The following UBR3 variants were observed in gnomAD, a reference collection of about 807,000 sequenced individuals.
UBR3 encodes E3 ubiquitin-protein ligase UBR3.
UBR3 carries 85 observed loss-of-function variants against 243.2 expected under a neutral mutation model. That is an observed-to-expected ratio of 0.35 (90% CI 0.29 to 0.42). UBR3 has a LOEUF of 0.42. UBR3 is among the 10% of genes least tolerant of loss of function. UBR3 has a pLI of 1.00. For missense variants in UBR3, 1,686 were observed against 2,300.8 expected, an observed-to-expected ratio of 0.73 and a Z score of 5.47; for synonymous variants, 748 against 799.8, an observed-to-expected ratio of 0.94 and a Z score of 1.09.
chr2:169,916,257 T>C (rs561751795), intron 11 of UBR3, among the ~76,000 whole-genome samples: 1 of 152,294 alleles, frequency 6.6e-6, no homozygotes, highest in South Asian at 2.1e-4. Context: ...TAGGAGTTAT[T>C]CTAGTTTTCT....
chr2:169,844,492 C>T (rs1486855245), intron 1 of UBR3, among the ~76,000 whole-genome samples: 3 of 111,358 alleles, frequency 2.7e-5, no homozygotes, highest in Non-Finnish European at 1.9e-5. Context: ...AACCCTCTCT[C>T]TTTTTTTTTT....
At chr2:169,924,276 A>G in intron 13 of UBR3, 103 bp downstream of exon 13, 1 of 885,986 alleles carries the variant, frequency 1.1e-6, no homozygotes, top group Non-Finnish European at 1.6e-6. Context: ...GAGATGTTTG[A>G]AAACTTTTTT....
chr2:170,080,659 C>G lies in UBR3; in HGVS notation c.5524C>G (p.His1842Asp). The G allele has an allele frequency of 6.2e-7, 1 of 1,613,790 alleles. No homozygotes were observed. The highest frequency in any genetic ancestry group is 8.5e-7 in the Non-Finnish European group (1 of 1,179,858). The change falls in exon 38 of 39, where the codon CAT (histidine) becomes GAT (aspartate). Residue 1842 changes from histidine (H) to aspartate (D), a missense_variant. His to Asp is a moderately conservative substitution (Grantham distance 81, BLOSUM62 -1). Transcript: ENST00000272793. ...CTGGGGTTCCGTGTATTTGGATGCTCATGGAGAGGAAGACCGGGATCTTAG... is the reference window on the plus strand; with the variant it reads ...CTGGGGTTCCGTGTATTTGGATGCTGATGGAGAGGAAGACCGGGATCTTAG... ...CLWGSVYLDA[H>D]GEEDRDLRRG... is the part of the protein sequence containing the mutation.
intron 35 of UBR3, among the ~76,000 whole-genome samples, chr2:170,070,050 A>G (rs2091664622): frequency 6.6e-6 from 1 of 152,052 alleles, no homozygotes; most frequent in South Asian, 2.1e-4. Context: ...TGGATATGGA[A>G]CTCCTGAATA....
At chr2:170,029,258 C>G in intron 30 of UBR3, 88 bp from the exon 31 acceptor site, 1 of 1,036,266 alleles carries the variant, frequency 9.7e-7, no homozygotes, top group Non-Finnish European at 1.4e-6. Flanking sequence ...AAACAGATTT[C>G]CTTATGAAAT....
At chr2:169,972,515 A>G (rs1425018072) in intron 24 of UBR3, among the ~76,000 whole-genome samples, 1 of 152,218 alleles carries the variant, frequency 6.6e-6, no homozygotes, top group Non-Finnish European at 1.5e-5. Flanking sequence ...AAAATCCTCA[A>G]TAAAATACTG....
chr2:170,012,211 A>C (rs573013742), intron 29 of UBR3, among the ~76,000 whole-genome samples: 4 of 152,316 alleles, frequency 2.6e-5, no homozygotes, highest in South Asian at 4.1e-4. Flanking sequence ...TCTTTCCTAA[A>C]ACAATCCTTT....
intron 30 of UBR3, among the ~76,000 whole-genome samples, chr2:170,019,877 G>C (rs2090344469): frequency 6.6e-6 from 1 of 152,086 alleles, no homozygotes. Context: ...CTGGGCTCAA[G>C]CATTCCTTCC....
chr2:169,847,946 G>A (rs185002679), intron 1 of UBR3, among the ~76,000 whole-genome samples: 31 of 150,446 alleles, frequency 2.1e-4, no homozygotes, highest in East Asian at 1.2e-3. Flanking sequence ...TTATTTCTCT[G>A]TGGAATTCTT....
At chr2:169,912,863 C>T (rs1277375599) in intron 10 of UBR3, among the ~76,000 whole-genome samples, 1 of 152,014 alleles carries the variant, frequency 6.6e-6, no homozygotes, top group Admixed American at 6.6e-5. Context: ...TCATTGCATC[C>T]TTAAAATCCT....
chr2:169,882,175 G>A (rs1217511381), intron 5 of UBR3, among the ~76,000 whole-genome samples: 2 of 128,074 alleles, frequency 1.6e-5, no homozygotes, highest in African/African-American at 6.0e-5. Flanking sequence ...ATATTTATAT[G>A]TAATATGCAT....
intron 24 of UBR3, among the ~76,000 whole-genome samples, chr2:169,962,245 A>T (rs2087610452): frequency 6.6e-6 from 1 of 151,840 alleles, no homozygotes; most frequent in African/African-American, 2.4e-5. Flanking sequence ...TTTTTCTTAA[A>T]AATTTTTTTT....
chr2:169,872,379 T>A lies in UBR3; in HGVS notation c.685+4T>A. On this transcript the variant is annotated splice_donor_region_variant and intron_variant, in intron 2 of 38. Transcript: ENST00000272793. ...AGAGAAGGCTATAATGAACCAGGTATGTTTTAATCTACTTCTTGTTAGTAC... is the reference window on the plus strand; with the variant it reads ...AGAGAAGGCTATAATGAACCAGGTAAGTTTTAATCTACTTCTTGTTAGTAC... 1 of 1,449,596 alleles carries A rather than the reference T, an allele frequency of 6.9e-7. No individual in the cohort carries two copies. Among genetic ancestry groups the A allele is most frequent in the Non-Finnish European group, 9.3e-7 (1 of 1,074,492 alleles). 89.8% of individuals were successfully genotyped at this position (1,449,596 alleles called of 1,614,324 possible). A position where few individuals can be genotyped will look rare whatever the true frequency, so the allele number is the denominator to read the frequency against.
chr2:169,913,970 T>C, intron 10 of UBR3, 90 bp from the exon 11 acceptor site: 1 of 510,686 alleles, frequency 2.0e-6, no homozygotes, highest in Non-Finnish European at 3.0e-6. Context: ...CCATTTTATA[T>C]ATACACAATG....
chr2:170,061,380 T>C lies in UBR3; in HGVS notation c.4956T>C (p.Pro1652=). 1.9e-6 allele frequency: 3 copies of C among 1,614,144 alleles called. No homozygotes were observed. The highest frequency in any genetic ancestry group is 2.5e-6 in the Non-Finnish European group (3 of 1,179,986). The change falls in exon 35 of 39, where the codon CCT becomes CCC. Residue 1652 remains proline (P), a synonymous_variant. Transcript: ENST00000272793. Reference sequence around the variant, plus strand: ...AATGCTTACAGGACTTCTGCTTACCTTTTCTCAGAATCACCAGCCTTCTTC... The same window carrying C: ...AATGCTTACAGGACTTCTGCTTACCCTTTCTCAGAATCACCAGCCTTCTTC... ...MEKCLQDFCL[P]FLRITSLLQH... is the part of the protein sequence containing the mutation.
At chr2:170,073,292 C>G in intron 35 of UBR3, 136 bp from the exon 36 acceptor site, 2 of 892,982 alleles carry the variant, frequency 2.2e-6, no homozygotes, top group Non-Finnish European at 3.5e-6. Flanking sequence ...TCTCTTACTC[C>G]CTTCACTTTT....
intron 35 of UBR3, among the ~76,000 whole-genome samples, chr2:170,072,437 G>C (rs938550256): frequency 1.3e-5 from 2 of 151,376 alleles, no homozygotes; most frequent in Admixed American, 6.6e-5. Flanking sequence ...TAGCGGGAGG[G>C]GGGAGGGATA....
chr2:169,841,538 G>A (rs1046356016), intron 1 of UBR3, among the ~76,000 whole-genome samples: 7 of 152,214 alleles, frequency 4.6e-5, no homozygotes, highest in Non-Finnish European at 8.8e-5. Flanking sequence ...TGGAGGGAGA[G>A]GCACGAGCCG....
intron 10 of UBR3, among the ~76,000 whole-genome samples, chr2:169,908,411 A>C (rs1372695003): frequency 6.6e-6 from 1 of 152,180 alleles, no homozygotes; most frequent in Non-Finnish European, 1.5e-5. Context: ...GTTTGTTTTC[A>C]TAGTGTACCT....
Sources: gnomAD v4.1 joint callset for allele counts (sites outside exome capture counted in the v4.1 genomes callset) on GRCh38, gnomAD v4.1.1 for gene constraint, MANE v1.5 for transcripts, NCBI Gene and HGNC (gene_info 2026-07-23, HGNC 2026-07-21) for gene names.